MCCC1: variants seen among roughly 807,000 people sequenced by gnomAD.
MCCC1 encodes methylcrotonoyl-CoA carboxylase subunit alpha, mitochondrial.
Under a neutral mutation model 83.8 loss-of-function variants are expected in MCCC1, and 64 were observed. That is an observed-to-expected ratio of 0.76 (90% CI 0.62 to 0.94). The LOEUF is 0.94. MCCC1 is among the 40% of genes least tolerant of loss of function. The pLI, the probability that MCCC1 is intolerant of heterozygous loss-of-function variation, is 0.00. For synonymous variants in MCCC1, 322 were observed against 315.4 expected (o/e 1.02, Z -0.22); for missense variants, 807 against 904.7 (o/e 0.89, Z 1.39).
rs776252556 is a variant in MCCC1 at position 183,071,242 on chromosome 3, T to C, written c.607A>G (p.Met203Val). Residue 203 changes from methionine (M) to valine (V), a missense_variant, in exon 6 of 19, where the codon ATG (methionine) becomes GTG (valine). Met to Val is a conservative substitution (Grantham distance 21, BLOSUM62 1). Coordinates refer to ENST00000265594, the MANE Select transcript of MCCC1 (RefSeq NM_020166.5). ...CCTCCACCCCGGACGGCTTTAATCA[T>C]GACAGGATAGCCAATTCTCCTGGCG... ...EHARRIGYPV[M>V]IKAVRGGGGK... is the part of the protein sequence containing the mutation. 1 of 1,614,238 alleles carries C rather than the reference T, an allele frequency of 6.2e-7. No individual in the cohort carries two copies. Among genetic ancestry groups the C allele is most frequent in the South Asian group, 1.1e-5 (1 of 91,084 alleles).
chr3:183,081,419 T>A (rs1247502478), intron 4 of MCCC1, among the ~76,000 whole-genome samples: 1 of 152,204 alleles, frequency 6.6e-6, no homozygotes, highest in Non-Finnish European at 1.5e-5. Flanking sequence ...TTTTAGTTTG[T>A]ATTTACTTTG....
chr3:183,101,717 G>A (rs1224808163), upstream of MCCC1, among the ~76,000 whole-genome samples: 12 of 152,078 alleles, frequency 7.9e-5, no homozygotes, highest in Non-Finnish European at 1.0e-4. Context: ...CCCATTCCAC[G>A]CTGTGGAAGC....
chr3:183,072,794 T>C (rs1288247731), intron 4 of MCCC1, among the ~76,000 whole-genome samples: 2 of 152,236 alleles, frequency 1.3e-5, no homozygotes, highest in African/African-American at 4.8e-5. Context: ...GTTGGGCAAC[T>C]GTCATCACCA....
intron 17 of MCCC1, 132 bp downstream of exon 17, chr3:183,019,998 C>T (rs919857176): frequency 1.9e-5 from 13 of 697,104 alleles, no homozygotes; most frequent in Non-Finnish European, 2.5e-5. Context: ...TGTAATAGAT[C>T]CTCTTGTTTT....
chr3:183,108,946 G>C (rs9835636), intron 1 of MCCC1, among the ~76,000 whole-genome samples: 1 of 152,228 alleles, frequency 6.6e-6, no homozygotes, highest in East Asian at 1.9e-4. Context: ...TTTTCTTTTA[G>C]GTTCGGGGCT....
At chr3:183,097,570 T>A (rs1277171396) in intron 1 of MCCC1, among the ~76,000 whole-genome samples, 1 of 152,164 alleles carries the variant, frequency 6.6e-6, no homozygotes, top group Non-Finnish European at 1.5e-5. Context: ...AATTTTTTAA[T>A]GTTTTGTAGA....
At position 183,071,075 on chromosome 3, in the gene MCCC1, C is replaced by CT. The variant is rs773583869; in HGVS notation, c.684dup (p.Glu229ArgfsTer8). 2.5e-5 allele frequency: 41 copies of CT among 1,614,184 alleles called. No individual in the cohort carries two copies. Among genetic ancestry groups the CT allele is most frequent in the Non-Finnish European group, 3.4e-5 (40 of 1,180,030 alleles). ...TTCTTAGCTTCTCTCCGTGCTGACT[C>CT]TAACTGTTCTTGAAATTCTTGTTCT... is the stretch of plus-strand genomic sequence containing the variant. On this transcript the variant is annotated frameshift_variant, in exon 7 of 19. Coordinates refer to ENST00000265594, the MANE Select transcript of MCCC1 (RefSeq NM_020166.5). LOFTEE classifies it high-confidence loss of function.
At chr3:183,056,008 A>C (rs1463116763) in intron 8 of MCCC1, among the ~76,000 whole-genome samples, 1 of 152,226 alleles carries the variant, frequency 6.6e-6, no homozygotes, top group Non-Finnish European at 1.5e-5. Context: ...ATCTTAAAAT[A>C]ATGGGAAACC....
chr3:183,111,313 G>A (rs549958233), intron 1 of MCCC1, among the ~76,000 whole-genome samples: 6 of 149,216 alleles, frequency 4.0e-5, no homozygotes, highest in Non-Finnish European at 8.9e-5. Flanking sequence ...TTTTTTTTTT[G>A]TTTTGAGATG....
intron 7 of MCCC1, among the ~76,000 whole-genome samples, chr3:183,059,180 A>AGGTG (rs1715646471): frequency 6.6e-6 from 1 of 152,114 alleles, no homozygotes; most frequent in Non-Finnish European, 1.5e-5. Context: ...GGTGGCACAC[A>AGGTG]CCTGTAATCC....
chr3:183,019,164 T>C (rs1425506230), intron 17 of MCCC1, among the ~76,000 whole-genome samples: 2 of 152,230 alleles, frequency 1.3e-5, no homozygotes, highest in Non-Finnish European at 2.9e-5. Flanking sequence ...TTCTTCTTCT[T>C]TTTTTGTTCC....
intron 17 of MCCC1, among the ~76,000 whole-genome samples, chr3:183,018,662 CA>C (rs199716563): frequency 0.067 from 10,273 of 152,244 alleles, 538 homozygotes; most frequent in African/African-American, 0.13. Flanking sequence ...GAAATCCTTT[CA>C]TTTTTTTCAA....
In MCCC1 at chr3:183,023,871, G is replaced by T. The variant is rs142107667; in HGVS notation, c.1732-1317C>A. On this transcript the variant is annotated intron_variant, in intron 15 of 18. Transcript: ENST00000265594. ...TCTTCTTCTAATTGAGGATTACCATGAACTTTACACTAGAGGTTCTCAAAA... is the reference window on the plus strand; with the variant it reads ...TCTTCTTCTAATTGAGGATTACCATTAACTTTACACTAGAGGTTCTCAAAA... Among the ~76,000 whole-genome samples the T allele has an allele frequency of 1.4e-3, 214 of 152,084 alleles. 1 individual carries two copies. Among genetic ancestry groups the T allele is most frequent in the African/African-American group, 4.8e-3 (200 of 41,472 alleles).
At chr3:183,039,233 C>T in intron 11 of MCCC1, 98 bp from the exon 12 acceptor site, 1 of 1,089,996 alleles carries the variant, frequency 9.2e-7, no homozygotes, top group Non-Finnish European at 1.4e-6. Context: ...ACGCTTAATC[C>T]TCATAAACCC....
At chr3:183,037,473 G>A in intron 12 of MCCC1, 39 bp from the exon 13 acceptor site, 1 of 1,493,618 alleles carries the variant, frequency 6.7e-7, no homozygotes, top group Non-Finnish European at 9.3e-7. Flanking sequence ...GCTGAGTGGG[G>A]AAAACAATAT....
chr3:183,018,604 A>G (rs1269923997), intron 17 of MCCC1, among the ~76,000 whole-genome samples: 2 of 152,240 alleles, frequency 1.3e-5, no homozygotes, highest in East Asian at 1.9e-4. Flanking sequence ...CCCACCCACA[A>G]AACCACTTAG....
At chr3:183,076,226 T>A (rs1372414540) in intron 4 of MCCC1, among the ~76,000 whole-genome samples, 4 of 152,210 alleles carry the variant, frequency 2.6e-5, no homozygotes, top group African/African-American at 9.7e-5. Flanking sequence ...AAGCAACAAC[T>A]GACTTGTTGT....
intron 11 of MCCC1, 146 bp downstream of exon 11, chr3:183,041,421 G>A (rs1326372856): frequency 2.3e-6 from 2 of 869,386 alleles, no homozygotes; most frequent in Non-Finnish European, 3.5e-6. Context: ...GAGGCAAAAA[G>A]TAATGGTTAC....
At chr3:183,036,897 TCTC>T (rs1713654343) in intron 13 of MCCC1, among the ~76,000 whole-genome samples, 2 of 151,984 alleles carry the variant, frequency 1.3e-5, no homozygotes, top group Non-Finnish European at 2.9e-5. Flanking sequence ...ATGGTCTTGA[TCTC>T]CTGACCTCAT....
Sources: allele counts gnomAD v4.1 joint callset (sites outside exome capture counted in the v4.1 genomes callset), GRCh38; gene constraint gnomAD v4.1.1; transcripts MANE v1.5; gene names NCBI Gene and HGNC (gene_info 2026-07-23, HGNC 2026-07-21).